ATOSA: variants seen among roughly 807,000 people sequenced by gnomAD.
The protein encoded by ATOSA is atos homolog A.
At chr15:52,610,258 T>A in the ATOSA span, 23 of 1,614,014 alleles carry the variant, frequency 1.4e-5, no homozygotes, top group Non-Finnish European at 1.8e-5. Flanking sequence ...ATAATTAGAT[T>A]GTCTGGGCAA....
At chr15:52,652,351 A>T in the ATOSA span, among the ~76,000 whole-genome samples, 1 of 152,222 alleles carries the variant, frequency 6.6e-6, no homozygotes, top group Non-Finnish European at 1.5e-5. Flanking sequence ...TGATGCACAT[A>T]AACTGAAGAC....
At chr15:52,693,897 T>C in the ATOSA span, among the ~76,000 whole-genome samples, 2 of 152,100 alleles carry the variant, frequency 1.3e-5, no homozygotes, top group Non-Finnish European at 2.9e-5. Flanking sequence ...TAGAAGACAA[T>C]AGTTGAGTGG....
At chr15:52,612,255 G>A in the ATOSA span, among the ~76,000 whole-genome samples, 5 of 152,068 alleles carry the variant, frequency 3.3e-5, no homozygotes, top group African/African-American at 1.2e-4. Flanking sequence ...AAAGTGCTGG[G>A]ATTACAGGAA....
the ATOSA span, among the ~76,000 whole-genome samples, chr15:52,687,383 C>T: frequency 2.2e-4 from 33 of 152,118 alleles, no homozygotes; most frequent in African/African-American, 7.2e-4. Flanking sequence ...CCAGCCTGGG[C>T]GACAGAGCGA....
At chr15:52,683,829 G>A in the ATOSA span, among the ~76,000 whole-genome samples, 5 of 152,142 alleles carry the variant, frequency 3.3e-5, no homozygotes, top group Admixed American at 1.3e-4. Context: ...CCCAAACCCT[G>A]TATCTTCCTG....
chr15:52,642,816 A>T, the ATOSA span, among the ~76,000 whole-genome samples: 1 of 152,042 alleles, frequency 6.6e-6, no homozygotes, highest in Non-Finnish European at 1.5e-5. Context: ...GATCCTATTT[A>T]TTTTTTTGAG....
chr15:52,591,227 GTATTT>G, the ATOSA span, among the ~76,000 whole-genome samples: 4 of 152,138 alleles, frequency 2.6e-5, no homozygotes, highest in South Asian at 2.1e-4. Flanking sequence ...ATAGATCACA[GTATTT>G]TATTTTATTT....
At chr15:52,657,537 T>C in the ATOSA span, 1 of 152,336 alleles carries the variant, frequency 6.6e-6, no homozygotes, top group African/African-American at 2.4e-5. Context: ...TCACCATTAT[T>C]ATCAGTGGCA....
the ATOSA span, among the ~76,000 whole-genome samples, chr15:52,624,991 C>A: frequency 2.7e-4 from 41 of 151,994 alleles, no homozygotes; most frequent in Admixed American, 2.7e-3. Flanking sequence ...GTTGGTCAGG[C>A]TGGTCTCAAA....
chr15:52,670,031 T>C, the ATOSA span, among the ~76,000 whole-genome samples: 7 of 152,344 alleles, frequency 4.6e-5, no homozygotes, highest in South Asian at 1.5e-3. Flanking sequence ...GGGTCTACTA[T>C]CACCCAGAAA....
the ATOSA span, among the ~76,000 whole-genome samples, chr15:52,688,612 A>G: frequency 1.3e-5 from 2 of 152,222 alleles, no homozygotes; most frequent in African/African-American, 4.8e-5. Context: ...GACATATTAC[A>G]TTTGAAAAAC....
the ATOSA span, among the ~76,000 whole-genome samples, chr15:52,706,934 T>C: frequency 6.6e-6 from 1 of 152,130 alleles, no homozygotes; most frequent in Non-Finnish European, 1.5e-5. Context: ...GGGGTTTCTT[T>C]CTGGGGTGCT....
At chr15:52,608,855 CTTTTAT>C in the ATOSA span, 19 of 1,609,090 alleles carry the variant, frequency 1.2e-5, no homozygotes, top group African/African-American at 4.0e-5. Flanking sequence ...AACACAGTAA[CTTTTAT>C]TTTTGAGTCA....
chr15:52,655,010 C>A, the ATOSA span, among the ~76,000 whole-genome samples: 640 of 152,128 alleles, frequency 4.2e-3, 2 homozygotes, highest in South Asian at 8.7e-3. Context: ...AATCTCTTTA[C>A]GTACTCTTCT....
At chr15:52,651,719 C>T in the ATOSA span, 38 of 749,448 alleles carry the variant, frequency 5.1e-5, no homozygotes, top group Non-Finnish European at 6.4e-6. Flanking sequence ...AAAGAAAATT[C>T]TCTAAGTTCA....
the ATOSA span, among the ~76,000 whole-genome samples, chr15:52,686,869 A>G: frequency 6.6e-6 from 1 of 152,238 alleles, no homozygotes; most frequent in Non-Finnish European, 1.5e-5. Flanking sequence ...GCCATGCTTC[A>G]GAGAAAAGAG....
chr15:52,694,295 T>C, the ATOSA span, among the ~76,000 whole-genome samples: 1 of 151,920 alleles, frequency 6.6e-6, no homozygotes, highest in African/African-American at 2.4e-5. Flanking sequence ...GCCTCCCAAG[T>C]AGCTGGGATT....
chr15:52,693,078 C>T, the ATOSA span, among the ~76,000 whole-genome samples: 3 of 152,178 alleles, frequency 2.0e-5, no homozygotes, highest in South Asian at 2.1e-4. Flanking sequence ...AAGTTTTAGT[C>T]AATATGCTAA....
the ATOSA span, chr15:52,582,318 A>C: frequency 2.8e-5 from 44 of 1,555,136 alleles, no homozygotes; most frequent in East Asian, 6.1e-4. Context: ...CTAAACAAAT[A>C]AACAAAATAT....
Sources: gnomAD v4.1 joint callset for allele counts (sites outside exome capture counted in the v4.1 genomes callset) on GRCh38, gnomAD v4.1.1 for gene constraint, MANE v1.5 for transcripts, NCBI Gene and HGNC (gene_info 2026-07-23, HGNC 2026-07-21) for gene names.